CTNNA3: variants seen among roughly 807,000 people sequenced by gnomAD.
CTNNA3 encodes the protein catenin alpha 3.
In CTNNA3, 76 loss-of-function variants were observed where a neutral mutation model predicts 95.7. That is an observed-to-expected ratio of 0.79 (90% CI 0.66 to 0.96). The LOEUF is 0.96. CTNNA3 is among the 40% of genes least tolerant of loss of function. The pLI is 0.00. For missense variants in CTNNA3, 1,191 were observed against 1,089.8 expected (o/e 1.09, Z -1.31); for synonymous variants, 431 against 374.4 (o/e 1.15, Z -1.74).
rs2080098505 is a variant in CTNNA3, at chr10:66,056,876, C to G, written c.2159+12432G>C. On this transcript the variant is annotated intron_variant, in intron 15 of 17. Transcript: ENST00000433211. ...GACAGTAGAGCTTTGACCATAACCT[C>G]TGCAGCAACCAGTCCTGGAAATTAA... 2.0e-5 allele frequency among the ~76,000 whole-genome samples: 3 copies of G among 152,168 alleles called. No homozygotes were observed. The South Asian group carries it at 6.2e-4, about 31-fold the overall frequency.
intron 7 of CTNNA3, among the ~76,000 whole-genome samples, chr10:67,148,521 A>T (rs1478949691): frequency 3.3e-5 from 5 of 152,214 alleles, no homozygotes; most frequent in African/African-American, 1.2e-4. Flanking sequence ...TGATTCTCCC[A>T]ATTTAAATCC....
intron 4 of CTNNA3, among the ~76,000 whole-genome samples, chr10:67,525,019 G>T (rs1256460085): frequency 6.6e-6 from 1 of 152,118 alleles, no homozygotes; most frequent in African/African-American, 2.4e-5. Context: ...CCCAGTTGGA[G>T]ACAAGTTGGG....
chr10:67,465,191 C>T (rs560422426), intron 5 of CTNNA3, among the ~76,000 whole-genome samples: 187 of 149,804 alleles, frequency 1.2e-3, no homozygotes, highest in Admixed American at 5.7e-3. Flanking sequence ...AAAAATGTTG[C>T]ATTCTATTTA....
At chr10:66,420,107 A>G (rs2093179145) in intron 11 of CTNNA3, among the ~76,000 whole-genome samples, 1 of 152,204 alleles carries the variant, frequency 6.6e-6, no homozygotes. Flanking sequence ...AACCACCTGT[A>G]TGGGAGAAAA....
chr10:66,793,241 A>G (rs1192846488), intron 7 of CTNNA3, among the ~76,000 whole-genome samples: 2 of 152,118 alleles, frequency 1.3e-5, no homozygotes, highest in Non-Finnish European at 2.9e-5. Flanking sequence ...TCCCAGGTGC[A>G]GGTGATCCTC....
At chr10:66,398,232 A>G (rs2092994038) in intron 11 of CTNNA3, among the ~76,000 whole-genome samples, 1 of 151,894 alleles carries the variant, frequency 6.6e-6, no homozygotes, top group African/African-American at 2.4e-5. Context: ...AGTTTTGTTT[A>G]GATCAGATTT....
At chr10:66,325,167 T>C (rs1439655218) in intron 12 of CTNNA3, among the ~76,000 whole-genome samples, 1 of 151,994 alleles carries the variant, frequency 6.6e-6, no homozygotes, top group African/African-American at 2.4e-5. Flanking sequence ...GGAGTGCAAA[T>C]ACACTTAACG....
At chr10:67,601,865 G>T (rs770916953) in intron 3 of CTNNA3, among the ~76,000 whole-genome samples, 1 of 151,868 alleles carries the variant, frequency 6.6e-6, no homozygotes, top group East Asian at 1.9e-4. Context: ...TCCTTTCACC[G>T]TCTCTCCTTT....
chr10:67,740,841 T>G (rs979670384), intron 1 of CTNNA3, among the ~76,000 whole-genome samples: 23 of 151,420 alleles, frequency 1.5e-4, no homozygotes, highest in African/African-American at 5.6e-4. Flanking sequence ...ATCATGCTGC[T>G]ATAAAGACAC....
intron 2 of CTNNA3, among the ~76,000 whole-genome samples, chr10:67,617,822 T>C (rs1843703325): frequency 6.6e-6 from 1 of 152,012 alleles, no homozygotes; most frequent in Admixed American, 6.5e-5. Context: ...TGAAATGTTA[T>C]CTCATTGTGG....
chr10:67,035,910 G>A (rs1447160021), intron 7 of CTNNA3, among the ~76,000 whole-genome samples: 1 of 152,106 alleles, frequency 6.6e-6, no homozygotes, highest in Non-Finnish European at 1.5e-5. Flanking sequence ...TTCAAGTTAT[G>A]CTTTCACTTT....
intron 1 of CTNNA3, among the ~76,000 whole-genome samples, chr10:67,727,707 A>T (rs1841246795): frequency 7.8e-6 from 1 of 128,704 alleles, no homozygotes; most frequent in African/African-American, 2.9e-5. Context: ...GATCATAGAT[A>T]ATATATATAA....
At chr10:67,182,034 TAA>T (rs376894391) in intron 6 of CTNNA3, among the ~76,000 whole-genome samples, 11,196 of 151,854 alleles carry the variant, frequency 0.074, 533 homozygotes, top group African/African-American at 0.15. Flanking sequence ...CTCAATGAAA[TAA>T]AAGAGGATAC....
At chr10:67,500,502 G>T (rs1045409064) in intron 5 of CTNNA3, among the ~76,000 whole-genome samples, 1 of 151,908 alleles carries the variant, frequency 6.6e-6, no homozygotes, top group Non-Finnish European at 1.5e-5. Context: ...TTTCTGTCTT[G>T]TTGATCTAAT....
intron 11 of CTNNA3, among the ~76,000 whole-genome samples, chr10:66,461,224 A>C (rs1310201645): frequency 6.6e-6 from 1 of 152,064 alleles, no homozygotes; most frequent in Non-Finnish European, 1.5e-5. Context: ...GTATCTGATA[A>C]AGACTGAGCA....
intron 11 of CTNNA3, among the ~76,000 whole-genome samples, chr10:66,515,345 C>CTCTCTCTATATATATATA (rs558913767): frequency 6.7e-6 from 1 of 148,894 alleles, no homozygotes; most frequent in African/African-American, 2.5e-5. Flanking sequence ...CTCTCTCTCT[C>CTCTCTCTATATATATATA]TATATATATA....
rs191350841 is a variant in CTNNA3, at chr10:66,831,099, A to G, written c.1048-55575T>C. On this transcript the variant is annotated intron_variant, in intron 7 of 17. Transcript: ENST00000433211. The stretch of plus-strand genomic sequence containing the variant: ...CAATACTCCCCTGATCCAATGCATC[A>G]CCATCATCCTCTTTCACCTGGACTA... 2.2e-3 allele frequency among the ~76,000 whole-genome samples: 340 copies of G among 152,350 alleles called. 3 individuals are homozygous for G. Among genetic ancestry groups the G allele is most frequent in the African/African-American group, 7.5e-3 (313 of 41,576 alleles).
Position 67,094,579 on chromosome 10 carries a change from T to C in CTNNA3, c.1047+85738A>G, listed in dbSNP as rs577194432. Among the ~76,000 whole-genome samples, 13 of 151,944 alleles carry C rather than the reference T, an allele frequency of 8.6e-5. No homozygotes were observed. The South Asian group carries it at 2.5e-3, about 29-fold the overall frequency. ...ATATTGTCAAGCATGGTGCCTCATA[T>C]ATCACACAGTTTCAATAATTTTTAT... On this transcript the variant is annotated intron_variant, in intron 7 of 17. Transcript: ENST00000433211.
At chr10:67,669,815 T>C (rs1231665218) in intron 1 of CTNNA3, among the ~76,000 whole-genome samples, 1 of 152,178 alleles carries the variant, frequency 6.6e-6, no homozygotes, top group Non-Finnish European at 1.5e-5. Flanking sequence ...TTTAAATGGA[T>C]AGAGAATGAT....
Sources: gnomAD v4.1 joint callset for allele counts (sites outside exome capture counted in the v4.1 genomes callset) on GRCh38, gnomAD v4.1.1 for gene constraint, MANE v1.5 for transcripts, NCBI Gene and HGNC (gene_info 2026-07-23, HGNC 2026-07-21) for gene names.